Variants in SLC25A21 observed in about 807,000 individuals in gnomAD.
SLC25A21 encodes the protein solute carrier family 25 member 21.
A neutral mutation model predicts 43.8 loss-of-function variants in SLC25A21; 47 were observed. The ratio of observed to expected loss-of-function variants is 1.07; its 90% CI spans 0.85 to 1.37. The LOEUF is 1.37. Among genes scored for constraint, SLC25A21 ranks in the 40% most tolerant of loss-of-function variants. SLC25A21 has a pLI of 0.00. For synonymous variants in SLC25A21, 131 were observed against 121.3 expected, an observed-to-expected ratio of 1.08 and a Z score of -0.52; for missense variants, 352 against 350.2, an observed-to-expected ratio of 1.00 and a Z score of -0.04.
At chr14:36,752,715 TG>T (rs1441095815) in intron 3 of SLC25A21, among the ~76,000 whole-genome samples, 1 of 152,286 alleles carries the variant, frequency 6.6e-6, no homozygotes, top group African/African-American at 2.4e-5. Flanking sequence ...CCCCACATGT[TG>T]TGGGAGGGGC....
At chr14:37,088,928 T>G (rs897406238) in intron 1 of SLC25A21, among the ~76,000 whole-genome samples, 5 of 152,224 alleles carry the variant, frequency 3.3e-5, no homozygotes, top group African/African-American at 1.2e-4. Flanking sequence ...GAATTTTGTT[T>G]GGGGTTATAC....
At chr14:36,887,194 A>G (rs2138577087) in intron 1 of SLC25A21, among the ~76,000 whole-genome samples, 1 of 128,460 alleles carries the variant, frequency 7.8e-6, no homozygotes, top group East Asian at 2.0e-4. Context: ...TATGTAATGC[A>G]TGCACATGTG....
At chr14:36,793,123 T>C (rs190252215) in intron 3 of SLC25A21, among the ~76,000 whole-genome samples, 448 of 152,288 alleles carry the variant, frequency 2.9e-3, no homozygotes, top group African/African-American at 0.01. Context: ...GTGCACATGT[T>C]TAGTACGAAC....
chr14:36,721,893 AAGTAAATGTTCAC>A (rs1272175541), intron 6 of SLC25A21, among the ~76,000 whole-genome samples: 1 of 152,234 alleles, frequency 6.6e-6, no homozygotes, highest in African/African-American at 2.4e-5. Flanking sequence ...TTACTTTTGA[AAGTAAATGTTCAC>A]AGACAAAACA....
chr14:37,003,058 AC>A (rs570627553), intron 1 of SLC25A21, among the ~76,000 whole-genome samples: 20 of 151,940 alleles, frequency 1.3e-4, no homozygotes, highest in Admixed American at 2.6e-4. Context: ...ATGTTCCGAG[AC>A]CCCCCAGCGG....
intron 2 of SLC25A21, among the ~76,000 whole-genome samples, chr14:36,872,670 C>A (rs1385502685): frequency 6.6e-6 from 1 of 152,214 alleles, no homozygotes; most frequent in Non-Finnish European, 1.5e-5. Flanking sequence ...ATTCCCCTCT[C>A]CTTCGGAGCA....
At chr14:36,767,359 T>C (rs757583255) in intron 3 of SLC25A21, among the ~76,000 whole-genome samples, 1 of 152,254 alleles carries the variant, frequency 6.6e-6, no homozygotes, top group Non-Finnish European at 1.5e-5. Context: ...CCCGACTCTT[T>C]ATTCAGATTT....
chr14:36,680,114 A>G lies in SLC25A21; in HGVS notation c.*544T>C. On this transcript the variant is annotated 3_prime_UTR_variant, in exon 10 of 10. Transcript: ENST00000331299. The stretch of plus-strand genomic sequence containing the variant: ...TACATTTTAACATAGTATTCATAAA[A>G]TTAAACATTCTTAAAAGGTCATTTT... The G allele has an allele frequency of 1.1e-6, 1 of 880,356 alleles. No individual in the cohort carries two copies. The highest frequency in any genetic ancestry group is 1.4e-6 in the Non-Finnish European group (1 of 735,254). 54.5% of individuals were successfully genotyped at this position (880,356 alleles called of 1,614,324 possible).
intron 1 of SLC25A21, among the ~76,000 whole-genome samples, chr14:36,982,084 C>T (rs1482894930): frequency 1.3e-5 from 2 of 152,082 alleles, no homozygotes; most frequent in African/African-American, 2.4e-5. Flanking sequence ...GAAGTTCTTG[C>T]AAAACATGGA....
chr14:37,146,512 G>T (rs1255088034), intron 1 of SLC25A21, among the ~76,000 whole-genome samples: 1 of 152,150 alleles, frequency 6.6e-6, no homozygotes. Flanking sequence ...CTCCCAAAGT[G>T]CTGGGATTAC....
intron 1 of SLC25A21, among the ~76,000 whole-genome samples, chr14:36,900,597 G>C (rs933862551): frequency 6.6e-6 from 1 of 152,080 alleles, no homozygotes; most frequent in African/African-American, 2.4e-5. Context: ...TTTCCTATTA[G>C]GAATTCTAAT....
chr14:36,827,405 T>A (rs1185410263), intron 2 of SLC25A21, among the ~76,000 whole-genome samples: 1 of 152,186 alleles, frequency 6.6e-6, no homozygotes, highest in Admixed American at 6.5e-5. Flanking sequence ...CTAAGCCCAC[T>A]CTTACTCATG....
chr14:36,689,034 C>A (rs371408921), intron 7 of SLC25A21, among the ~76,000 whole-genome samples: 3 of 152,168 alleles, frequency 2.0e-5, no homozygotes, highest in Admixed American at 2.0e-4. Context: ...TCCGTTTTCA[C>A]GCTGCTGATA....
Position 36,729,667 on chromosome 14 carries a change from T to C in SLC25A21, c.271-101A>G, listed in dbSNP as rs944199639. The stretch of plus-strand genomic sequence containing the variant: ...TGGTAAATCATTATGTTAACCAGCA[T>C]TTCAAAAAATGATAAACTATCTAAT... On this transcript the variant is annotated intron_variant, in intron 4 of 9. Coordinates refer to ENST00000331299, the MANE Select transcript of SLC25A21 (RefSeq NM_030631.4). The C allele has an allele frequency of 4.9e-5, 47 of 967,374 alleles. No individual in the cohort carries two copies. In the African/African-American group the frequency reaches 7.4e-4, roughly 15 times the overall value. The allele number at this position is 967,374 out of a possible 1,614,324, so 59.9% of individuals were successfully genotyped here. A position where few individuals can be genotyped will look rare whatever the true frequency, so the allele number is the denominator to read the frequency against.
At chr14:36,885,509 ATT>A (rs1890888208) in intron 1 of SLC25A21, among the ~76,000 whole-genome samples, 1 of 152,178 alleles carries the variant, frequency 6.6e-6, no homozygotes, top group African/African-American at 2.4e-5. Context: ...TTAAACTGGA[ATT>A]TTGATAGAGA....
rs532713013 is a variant in SLC25A21 at position 37,017,739 on chromosome 14, A to T, written c.71-142735T>A. On this transcript the variant is annotated intron_variant, in intron 1 of 9. Transcript: ENST00000331299. ...ACTTATTATTATTATTATTTTTCGC[A>T]TAATATGAATAAACAAAAAAACCCA... 3.9e-5 allele frequency among the ~76,000 whole-genome samples: 6 copies of T among 152,192 alleles called. No homozygotes were observed. In the South Asian group the frequency reaches 1.2e-3, roughly 32 times the overall value.
At position 37,066,071 on chromosome 14, in the gene SLC25A21, G is replaced by A. The variant is rs1198203627; in HGVS notation, c.70+106210C>T. On this transcript the variant is annotated intron_variant, in intron 1 of 9. Coordinates refer to ENST00000331299, the MANE Select transcript of SLC25A21 (RefSeq NM_030631.4). ...GCTGCTTATTAGTTTCAAGAGAGGA[G>A]AGGAAAAGAAATTAGATGGTGGAGA... Among the ~76,000 whole-genome samples, 4 of 152,248 alleles carry A rather than the reference G, an allele frequency of 2.6e-5. No individual in the cohort carries two copies. In the East Asian group the frequency reaches 5.8e-4, roughly 22 times the overall value.
chr14:37,020,927 T>G (rs1960972271), intron 1 of SLC25A21, among the ~76,000 whole-genome samples: 1 of 151,984 alleles, frequency 6.6e-6, no homozygotes, highest in Admixed American at 6.6e-5. Context: ...TGCATTAGGT[T>G]CCCAGCAGTG....
At chr14:37,134,852 G>C (rs569531895) in intron 1 of SLC25A21, among the ~76,000 whole-genome samples, 1 of 151,884 alleles carries the variant, frequency 6.6e-6, no homozygotes, top group African/African-American at 2.4e-5. Flanking sequence ...CAGCACTTTG[G>C]GAAACCCCAG....
Sources: allele counts gnomAD v4.1 joint callset (sites outside exome capture counted in the v4.1 genomes callset), GRCh38; gene constraint gnomAD v4.1.1; transcripts MANE v1.5; gene names NCBI Gene and HGNC (gene_info 2026-07-23, HGNC 2026-07-21).